Variants in GTPBP6 observed in about 807,000 individuals in gnomAD.
The protein encoded by GTPBP6 is GTP binding protein 6.
A neutral mutation model predicts 28.9 loss-of-function variants in GTPBP6; 33 were observed. The ratio of observed to expected loss-of-function variants is 1.14; its 90% CI spans 0.87 to 1.53. GTPBP6 has a LOEUF of 1.53. Among genes scored for constraint, GTPBP6 ranks in the 40% most tolerant of loss-of-function variants. The probability of loss-of-function intolerance (pLI) is 0.00; values close to 1 mark genes in which losing one functional copy is unlikely to be tolerated. For missense variants in GTPBP6, 507 were observed against 408.3 expected (o/e 1.24, Z -2.08); for synonymous variants, 231 against 192.7 (o/e 1.20, Z -1.65).
rs1349405470 is a variant in GTPBP6, at chrX:317,948, C to A, written c.349+491G>T. On this transcript the variant is annotated intron_variant, in intron 1 of 9. Coordinates refer to ENST00000326153, the Ensembl canonical transcript of GTPBP6. ...CTATGAGATCCTCCCTTCAGAGCCC[C>A]GCCCCCGCATCACCATCCATAAGCT... 1.1e-4 allele frequency among the ~76,000 whole-genome samples: 17 copies of A among 149,884 alleles called. No individual in the cohort carries two copies. In the East Asian group the frequency reaches 2.6e-3, roughly 23 times the overall value.
chrX:309,713 A>G (rs28399208), intron 7 of GTPBP6, among the ~76,000 whole-genome samples: 3,250 of 146,204 alleles, frequency 0.022, 76 homozygotes, highest in African/African-American at 0.073. Flanking sequence ...GGCAGGAAGG[A>G]CCCTCACCTA....
chrX:314,380 C>T (rs372999814), intron 4 of GTPBP6, among the ~76,000 whole-genome samples, 163 bp from the exon 5 acceptor site: 24 of 151,980 alleles, frequency 1.6e-4, no homozygotes, highest in African/African-American at 4.6e-4. Flanking sequence ...GTGAGTGACG[C>T]GTGTCCCGGG....
exon 9 of GTPBP6, chrX:307,462 T>C (rs2070195345): frequency 1.9e-6 from 3 of 1,606,516 alleles, no homozygotes; most frequent in Non-Finnish European, 2.5e-6. Context: ...CTGGAGCCCG[T>C]GGCCCCGCAG....
intron 8 of GTPBP6, 46 bp downstream of exon 8, chrX:307,686 G>T: frequency 6.9e-7 from 1 of 1,453,196 alleles, no homozygotes. Flanking sequence ...CGGCTCCAGC[G>T]CGTGCAGGGG....
intron 2 of GTPBP6, among the ~76,000 whole-genome samples, chrX:316,607 G>C (rs1458043487): frequency 1.3e-5 from 2 of 152,220 alleles, no homozygotes; most frequent in Non-Finnish European, 2.9e-5. Context: ...GCTGGGGCCT[G>C]CAGGGGCAGG....
chrX:312,641 C>T lies in GTPBP6; in HGVS notation c.916+125G>A, dbSNP rs955047509. On this transcript the variant is annotated intron_variant, in intron 6 of 9. Transcript: ENST00000326153. ...GACCATGGGAACCCCCTCTCCTGGGCACGTGCTCACCGCAGCTGTCGTACG... is the reference window on the plus strand; with the variant it reads ...GACCATGGGAACCCCCTCTCCTGGGTACGTGCTCACCGCAGCTGTCGTACG... 16 of 980,982 alleles carry T rather than the reference C, an allele frequency of 1.6e-5. No individual in the cohort carries two copies. The East Asian group carries it at 3.8e-4, about 23-fold the overall frequency. The allele number at this position is 980,982 out of a possible 1,614,324, so 60.8% of individuals were successfully genotyped here. A position where few individuals can be genotyped will look rare whatever the true frequency, so the allele number is the denominator to read the frequency against.
intron 9 of GTPBP6, among the ~76,000 whole-genome samples, 188 bp from the exon 10 acceptor site, chrX:305,385 G>C (rs761181525): frequency 6.7e-6 from 1 of 149,700 alleles, no homozygotes; most frequent in Non-Finnish European, 1.5e-5. Context: ...GCAGTGGCGC[G>C]ATCTCAGCTC....
At chrX:318,722 C>G (rs1230529546) in exon 1 of GTPBP6, 10 of 348,038 alleles carry the variant, frequency 2.9e-5, no homozygotes, top group African/African-American at 1.9e-4. Flanking sequence ...CCCGCGGAGC[C>G]GAGCGGCCGC....
At chrX:305,088 G>T in exon 10 of GTPBP6, 8 of 1,613,190 alleles carry the variant, frequency 5.0e-6, no homozygotes, top group Non-Finnish European at 5.9e-6. Context: ...CCTGGAAAGA[G>T]CTTCCGGAAT....
chrX:314,904 C>T (rs2070400779), exon 4 of GTPBP6: 1 of 398,848 alleles, frequency 2.5e-6, no homozygotes, highest in Non-Finnish European at 4.4e-6. Context: ...GCAGCGGCAT[C>T]TCCGCCAGGG....
exon 9 of GTPBP6, chrX:307,388 G>A (rs773299422): frequency 1.4e-5 from 23 of 1,612,344 alleles, no homozygotes; most frequent in East Asian, 2.2e-5. Flanking sequence ...AGCCTCACAC[G>A]GAGAGTGAGG....
At chrX:308,512 C>G (rs1373805620) in intron 7 of GTPBP6, among the ~76,000 whole-genome samples, 1 of 151,960 alleles carries the variant, frequency 6.6e-6, no homozygotes, top group Non-Finnish European at 1.5e-5. Context: ...GAGGCCGTTT[C>G]TACAGAAAGT....
chrX:305,614 C>G lies in GTPBP6; in HGVS notation c.1428-417G>C, dbSNP rs1269448972. 4.3e-5 allele frequency among the ~76,000 whole-genome samples: 6 copies of G among 140,302 alleles called. No individual in the cohort carries two copies. The Admixed American group carries it at 4.4e-4, about 10-fold the overall frequency. 92.0% of individuals were successfully genotyped at this position (140,302 alleles called of 152,430 possible). On this transcript the variant is annotated intron_variant, in intron 9 of 9. Transcript: ENST00000326153. ...GGGATGACAGGCATGAGCCACTGCG[C>G]CCGGCTTTTTATTTTTTATTTTTTT...
chrX:305,853 TG>T (rs1316174492), intron 9 of GTPBP6, among the ~76,000 whole-genome samples: 1 of 152,178 alleles, frequency 6.6e-6, no homozygotes, highest in Non-Finnish European at 1.5e-5. Context: ...CTCGATCTCC[TG>T]ACCTTGTGGT....
In GTPBP6 at chrX:312,429, G is replaced by A. The variant is rs1023627426; in HGVS notation, c.916+337C>T. The A allele has an allele frequency of 2.4e-5, 13 of 545,506 alleles. 1 individual carries two copies. The Admixed American group carries it at 2.4e-4, about 10-fold the overall frequency. The allele number at this position is 545,506 out of a possible 1,614,324, so 33.8% of individuals were successfully genotyped here. A position where few individuals can be genotyped will look rare whatever the true frequency, so the allele number is the denominator to read the frequency against. On this transcript the variant is annotated intron_variant, in intron 6 of 9. Transcript: ENST00000326153. ...AGGGTGGTGGTATAGATAGGGCAGT[G>A]GGGATGGTCTAGACAGGAGGATGGT...
chrX:317,102 G>C, intron 1 of GTPBP6, 51 bp from the exon 2 acceptor site: 1 of 338,910 alleles, frequency 3.0e-6, no homozygotes. Flanking sequence ...CGGGGCCCCC[G>C]TCCACACCTG....
chrX:304,919 G>C lies in GTPBP6; in HGVS notation c.*155C>G, dbSNP rs751900701. 2.7e-6 allele frequency: 4 copies of C among 1,458,864 alleles called. No homozygotes were observed. The African/African-American group carries it at 5.7e-5, about 21-fold the overall frequency. 90.4% of individuals were successfully genotyped at this position (1,458,864 alleles called of 1,614,324 possible). ...GTGCGGCCGTGTCACCGGCCTGCAC[G>C]GTCATCCCAGCAAATGGCTGGGAGC... On this transcript the variant is annotated 3_prime_UTR_variant, in exon 10 of 10. Coordinates refer to ENST00000326153, the Ensembl canonical transcript of GTPBP6.
At chrX:305,735 C>T (rs1181976884) in intron 9 of GTPBP6, among the ~76,000 whole-genome samples, 2 of 148,688 alleles carry the variant, frequency 1.3e-5, no homozygotes, top group East Asian at 4.1e-4. Flanking sequence ...AGCAATTCTC[C>T]GGCCTTAGCC....
chrX:307,932 C>T, intron 7 of GTPBP6, 52 bp from the exon 8 acceptor site: 2 of 1,424,240 alleles, frequency 1.4e-6, no homozygotes, highest in South Asian at 1.6e-5. Context: ...TCCCTGACCC[C>T]AAGCTTGCAG....
Sources: allele counts gnomAD v4.1 joint callset (sites outside exome capture counted in the v4.1 genomes callset), GRCh38; gene constraint gnomAD v4.1.1; transcripts MANE v1.5; gene names NCBI Gene and HGNC (gene_info 2026-07-23, HGNC 2026-07-21).